The following WNK1 variants were observed in gnomAD, a reference collection of about 807,000 sequenced individuals.
The protein encoded by WNK1 is WNK lysine deficient protein kinase 1.
A neutral mutation model predicts 222.8 loss-of-function variants in WNK1; 38 were observed. The ratio of observed to expected loss-of-function variants is 0.17; its 90% CI spans 0.13 to 0.22. The LOEUF (loss-of-function observed/expected upper bound fraction) is 0.22, where lower values mean the gene tolerates loss of function less well. Among genes scored for constraint, WNK1 ranks in the 10% least tolerant of loss-of-function variants. The pLI is 1.00. For missense variants in WNK1, 2,348 were observed against 2,918.4 expected (o/e 0.80, Z 4.50); for synonymous variants, 1,090 against 1,092.9 (o/e 1.00, Z 0.05).
chr12:807,299 T>G (rs1031750623), intron 1 of WNK1, among the ~76,000 whole-genome samples: 4 of 151,746 alleles, frequency 2.6e-5, no homozygotes, highest in Non-Finnish European at 5.9e-5. Context: ...CTCTGTTTTT[T>G]TTTTTTTTTT....
intron 1 of WNK1, among the ~76,000 whole-genome samples, chr12:779,898 A>G (rs548160495): frequency 1.3e-5 from 2 of 152,086 alleles, no homozygotes; most frequent in African/African-American, 4.8e-5. Context: ...TTTTTTGTTT[A>G]CTTCACTGGC....
chr12:906,279 C>T (rs1955692398), intron 26 of WNK1: 1 of 980,304 alleles, frequency 1.0e-6, no homozygotes, highest in African/African-American at 1.8e-5. Flanking sequence ...CTCTTCTTTC[C>T]CTCTTCCCCA....
At chr12:791,256 C>T (rs920614661) in intron 1 of WNK1, among the ~76,000 whole-genome samples, 32 of 150,274 alleles carry the variant, frequency 2.1e-4, no homozygotes, top group Middle Eastern at 3.4e-3. Flanking sequence ...CACACACACA[C>T]ATACACAAAA....
At chr12:773,285 T>G (rs1448681070) in intron 1 of WNK1, among the ~76,000 whole-genome samples, 1 of 151,872 alleles carries the variant, frequency 6.6e-6, no homozygotes, top group Non-Finnish European at 1.5e-5. Context: ...TTTAAAGAAG[T>G]TTAGTTTCGT....
intron 26 of WNK1, among the ~76,000 whole-genome samples, chr12:907,318 CT>C: frequency 9.4e-6 from 1 of 105,934 alleles, no homozygotes; most frequent in Middle Eastern, 5.7e-3. Context: ...GAGACTCCAT[CT>C]CAAAAAAAAA....
chr12:768,688 T>G (rs1215233161), intron 1 of WNK1, among the ~76,000 whole-genome samples: 2 of 152,238 alleles, frequency 1.3e-5, no homozygotes, highest in African/African-American at 2.4e-5. Flanking sequence ...GAATACCTCA[T>G]TAATGTTTTA....
intron 8 of WNK1, among the ~76,000 whole-genome samples, chr12:865,526 G>T (rs1274091284): frequency 1.3e-5 from 2 of 152,102 alleles, no homozygotes; most frequent in Non-Finnish European, 2.9e-5. Context: ...TTGTAATAAG[G>T]CTTTAAGGGG....
Position 861,297 on chromosome 12 carries a change from T to TCAA in WNK1, c.1908_1910dup (p.Gln636dup). The TCAA allele has an allele frequency of 6.2e-7, 1 of 1,614,140 alleles. No individual in the cohort carries two copies. Among genetic ancestry groups the TCAA allele is most frequent in the Non-Finnish European group, 8.5e-7 (1 of 1,180,012 alleles). ...TAGAACCTGAAGAACCTGAGGCAGA[T>TCAA]CAACATCAACAACTACAGTACCAGC... is the stretch of plus-strand genomic sequence containing the variant. On this transcript the variant is annotated inframe_insertion, in exon 7 of 28. Coordinates refer to ENST00000315939, the MANE Select transcript of WNK1 (RefSeq NM_018979.4).
intron 1 of WNK1, among the ~76,000 whole-genome samples, chr12:766,820 A>T (rs1222161697): frequency 6.6e-6 from 1 of 151,668 alleles, no homozygotes. Flanking sequence ...TCTGTCGCCC[A>T]GGCTGGAGTG....
At chr12:820,773 G>A (rs999418779) in intron 2 of WNK1, among the ~76,000 whole-genome samples, 1 of 152,144 alleles carries the variant, frequency 6.6e-6, no homozygotes, top group African/African-American at 2.4e-5. Context: ...ACCACACCTA[G>A]CCATTCTTTG....
chr12:902,348 C>T (rs1032199401), intron 26 of WNK1, among the ~76,000 whole-genome samples: 2 of 152,090 alleles, frequency 1.3e-5, no homozygotes, highest in African/African-American at 4.8e-5. Context: ...CAATGATGCT[C>T]TTAGATCCTG....
intron 2 of WNK1, among the ~76,000 whole-genome samples, chr12:816,612 T>C (rs911703127): frequency 2.0e-5 from 3 of 152,122 alleles, no homozygotes; most frequent in African/African-American, 7.2e-5. Flanking sequence ...CCATCTCATA[T>C]GTAGATGGCG....
intron 5 of WNK1, among the ~76,000 whole-genome samples, chr12:858,821 G>T (rs1950980034): frequency 6.6e-6 from 1 of 152,052 alleles, no homozygotes; most frequent in South Asian, 2.1e-4. Context: ...ATGAAGATTT[G>T]TGTTACTTAT....
intron 2 of WNK1, among the ~76,000 whole-genome samples, chr12:822,087 C>CTCTTT (rs1947930803): frequency 1.4e-5 from 1 of 71,430 alleles, no homozygotes. Flanking sequence ...TGTCTTATAC[C>CTCTTT]TTTTTTTTTT....
At chr12:870,544 T>C (rs1479894498) in intron 8 of WNK1, among the ~76,000 whole-genome samples, 3 of 152,242 alleles carry the variant, frequency 2.0e-5, no homozygotes, top group Non-Finnish European at 4.4e-5. Flanking sequence ...CACTTTCTAG[T>C]GAGAAACACT....
At chr12:900,152 A>G (rs1955130700) in intron 25 of WNK1, among the ~76,000 whole-genome samples, 1 of 151,190 alleles carries the variant, frequency 6.6e-6, no homozygotes, top group Non-Finnish European at 1.5e-5. Context: ...CGCCTGGCTA[A>G]TTTTTATATT....
At chr12:777,237 A>G (rs1350332003) in intron 1 of WNK1, among the ~76,000 whole-genome samples, 4 of 145,242 alleles carry the variant, frequency 2.8e-5, no homozygotes, top group Middle Eastern at 3.6e-3. Flanking sequence ...ATCTTGGCCC[A>G]CTGCAGCCTC....
In WNK1 at chr12:760,611, A is replaced by G. The variant is rs546565366; in HGVS notation, c.759+6287A>G. On this transcript the variant is annotated intron_variant, in intron 1 of 27. Coordinates refer to ENST00000315939, the MANE Select transcript of WNK1 (RefSeq NM_018979.4). ...AATGGAATATATTAAACTTAGTTGG[A>G]TTTTAGGAGCTTTTTGCTTTGTCAA... 4.0e-4 allele frequency among the ~76,000 whole-genome samples: 59 copies of G among 148,010 alleles called. 9 individuals carry two copies. The South Asian group carries it at 6.8e-3, about 17-fold the overall frequency.
intron 8 of WNK1, chr12:869,328 G>T: frequency 1.7e-6 from 1 of 598,284 alleles, no homozygotes; most frequent in Non-Finnish European, 2.9e-6. Flanking sequence ...GAAAACCAGT[G>T]GAAAAAACAC....
Sources: allele counts gnomAD v4.1 joint callset (sites outside exome capture counted in the v4.1 genomes callset), GRCh38; gene constraint gnomAD v4.1.1; transcripts MANE v1.5; gene names NCBI Gene and HGNC (gene_info 2026-07-23, HGNC 2026-07-21).